Variants in PHLPP1 observed in about 807,000 individuals in gnomAD.
PHLPP1 encodes PH domain and leucine rich repeat protein phosphatase 1.
PHLPP1 carries 42 observed loss-of-function variants against 117.2 expected under a neutral mutation model. That is an observed-to-expected ratio of 0.36 (90% CI 0.28 to 0.46). PHLPP1 has a LOEUF of 0.46. Among genes scored for constraint, PHLPP1 ranks in the 20% least tolerant of loss-of-function variants. The probability of loss-of-function intolerance (pLI) is 1.00; values close to 1 mark genes in which losing one functional copy is unlikely to be tolerated. For missense variants in PHLPP1, 2,084 were observed against 2,241.9 expected (o/e 0.93, Z 1.42); for synonymous variants, 1,042 against 970.7 (o/e 1.07, Z -1.37).
rs571064490 is a variant in PHLPP1, at chr18:62,831,348, T to C, written c.1773+1117T>C. Among the ~76,000 whole-genome samples, 4 of 151,908 alleles carry C rather than the reference T, an allele frequency of 2.6e-5. No individual in the cohort carries two copies. The South Asian group carries it at 8.3e-4, about 32-fold the overall frequency. The stretch of plus-strand genomic sequence containing the variant: ...ATATTTTCTTTTTCTTTTTCTTTTT[T>C]TTTTTTTGAGATGGAGTCTTGCTCT... On this transcript the variant is annotated intron_variant, in intron 2 of 16. Transcript: ENST00000262719.
chr18:62,792,706 AC>A (rs1913497514), intron 1 of PHLPP1, among the ~76,000 whole-genome samples: 1 of 151,902 alleles, frequency 6.6e-6, no homozygotes, highest in Non-Finnish European at 1.5e-5. Context: ...CCCCATCTTT[AC>A]AAAAAATTTA....
chr18:62,863,737 G>A (rs886911900), intron 4 of PHLPP1, among the ~76,000 whole-genome samples: 4 of 151,984 alleles, frequency 2.6e-5, no homozygotes, highest in Non-Finnish European at 2.9e-5. Context: ...ACAGCCAGAG[G>A]TCAACTTTTC....
At chr18:62,915,982 C>T (rs1909258918) in intron 9 of PHLPP1, among the ~76,000 whole-genome samples, 1 of 152,176 alleles carries the variant, frequency 6.6e-6, no homozygotes, top group Non-Finnish European at 1.5e-5. Context: ...TCAGAAACAT[C>T]AGTGAAAATA....
rs184954171 is a variant in PHLPP1, at chr18:62,922,384, G to A, written c.2960+2270G>A. Among the ~76,000 whole-genome samples, 4 of 152,264 alleles carry A rather than the reference G, an allele frequency of 2.6e-5. 1 individual carries two copies. In the South Asian group the frequency reaches 6.2e-4, roughly 24 times the overall value. ...ACTTCTGATCTCAAGTGATCCACCC[G>A]CCTTGGCCTCCCAAAGTGCTGGGGT... On this transcript the variant is annotated intron_variant, in intron 10 of 16. Coordinates refer to ENST00000262719, the MANE Select transcript of PHLPP1 (RefSeq NM_194449.4).
chr18:62,783,764 A>G (rs1335393703), intron 1 of PHLPP1, among the ~76,000 whole-genome samples: 1 of 152,004 alleles, frequency 6.6e-6, no homozygotes, highest in East Asian at 1.9e-4. Context: ...GCCTTAACCT[A>G]ATTAAATCAT....
chr18:62,840,797 C>T (rs964272877), intron 3 of PHLPP1, among the ~76,000 whole-genome samples: 4 of 152,214 alleles, frequency 2.6e-5, no homozygotes, highest in African/African-American at 9.6e-5. Flanking sequence ...TCCCAACCCC[C>T]TCACTCAGTT....
chr18:62,896,694 G>A (rs1340441543), intron 6 of PHLPP1, among the ~76,000 whole-genome samples: 1 of 151,970 alleles, frequency 6.6e-6, no homozygotes, highest in African/African-American at 2.4e-5. Flanking sequence ...CAAACTCCTG[G>A]GCTCAGGTGA....
At chr18:62,858,320 T>C (rs994681240) in intron 3 of PHLPP1, among the ~76,000 whole-genome samples, 11 of 150,208 alleles carry the variant, frequency 7.3e-5, no homozygotes, top group African/African-American at 2.5e-4. Flanking sequence ...TGGACTGCAA[T>C]GGCACGATCT....
At position 62,717,265 on chromosome 18, in the gene PHLPP1, G is replaced by C; in HGVS notation, c.1576+6G>C. 6.4e-7 allele frequency: 1 copy of C among 1,562,758 alleles called. No homozygotes were observed. The highest frequency in any genetic ancestry group is 1.8e-5 in the Admixed American group (1 of 55,344). The stretch of plus-strand genomic sequence containing the variant: ...CCTCATCCGCTTCTATGCAGGTAAG[G>C]AAGTCACCTGCCTTGACGGGTGGTT... On this transcript the variant is annotated splice_donor_region_variant and intron_variant, in intron 1 of 16. Coordinates refer to ENST00000262719, the MANE Select transcript of PHLPP1 (RefSeq NM_194449.4).
At chr18:62,717,324 A>G in intron 1 of PHLPP1, 65 bp downstream of exon 1, 1 of 1,512,722 alleles carries the variant, frequency 6.6e-7, no homozygotes, top group Non-Finnish European at 8.8e-7. Context: ...AGTGATTCAA[A>G]TTGCTTGTCA....
At chr18:62,863,778 C>G (rs920120417) in intron 4 of PHLPP1, among the ~76,000 whole-genome samples, 2 of 152,002 alleles carry the variant, frequency 1.3e-5, no homozygotes, top group Non-Finnish European at 2.9e-5. Flanking sequence ...GGCTTTTGGC[C>G]AGCTTCTTTA....
At chr18:62,879,515 G>A (rs753916791) in intron 4 of PHLPP1, among the ~76,000 whole-genome samples, 4 of 151,970 alleles carry the variant, frequency 2.6e-5, no homozygotes, top group African/African-American at 7.3e-5. Context: ...GGGTTCAAGC[G>A]ATTCTCCCAC....
At chr18:62,844,599 A>C (rs1361211275) in intron 3 of PHLPP1, among the ~76,000 whole-genome samples, 1 of 152,204 alleles carries the variant, frequency 6.6e-6, no homozygotes, top group Non-Finnish European at 1.5e-5. Flanking sequence ...CAAACCCCAG[A>C]CATTATTTCG....
At chr18:62,750,946 A>T (rs955715669) in intron 1 of PHLPP1, among the ~76,000 whole-genome samples, 1 of 152,202 alleles carries the variant, frequency 6.6e-6, no homozygotes, top group Non-Finnish European at 1.5e-5. Flanking sequence ...ATTTGTCTAC[A>T]TGTCTGTTCA....
At chr18:62,765,810 A>G (rs552312155) in intron 1 of PHLPP1, among the ~76,000 whole-genome samples, 7 of 151,990 alleles carry the variant, frequency 4.6e-5, no homozygotes, top group African/African-American at 1.7e-4. Context: ...CCTGGCTAAC[A>G]TGGTGAAACC....
chr18:62,766,015 C>T (rs1247948736), intron 1 of PHLPP1, among the ~76,000 whole-genome samples: 2 of 131,868 alleles, frequency 1.5e-5, no homozygotes, highest in African/African-American at 2.9e-5. Context: ...GAGCCGAGAT[C>T]GCGCCACTGC....
intron 8 of PHLPP1, among the ~76,000 whole-genome samples, chr18:62,912,155 G>A (rs1254260102): frequency 8.8e-6 from 1 of 113,890 alleles, no homozygotes; most frequent in Non-Finnish European, 1.8e-5. Flanking sequence ...ACTGTGGTGG[G>A]GTCGGGGGAG....
At chr18:62,966,002 GTTT>G (rs1910893761) in intron 14 of PHLPP1, among the ~76,000 whole-genome samples, 1 of 151,948 alleles carries the variant, frequency 6.6e-6, no homozygotes, top group African/African-American at 2.4e-5. Flanking sequence ...TGGATAACTT[GTTT>G]TTCATAATAA....
intron 9 of PHLPP1, among the ~76,000 whole-genome samples, chr18:62,916,222 G>A (rs964724065): frequency 6.6e-6 from 1 of 151,902 alleles, no homozygotes; most frequent in Middle Eastern, 3.2e-3. Flanking sequence ...TGCTATAAGT[G>A]TAAAATGTAC....
Sources: gnomAD v4.1 joint callset for allele counts (sites outside exome capture counted in the v4.1 genomes callset) on GRCh38, gnomAD v4.1.1 for gene constraint, MANE v1.5 for transcripts, NCBI Gene and HGNC (gene_info 2026-07-23, HGNC 2026-07-21) for gene names.